IFT88: variants seen among roughly 807,000 people sequenced by gnomAD.
IFT88 encodes the protein intraflagellar transport protein 88 homolog.
A neutral mutation model predicts 119.5 loss-of-function variants in IFT88; 74 were observed. The observed-to-expected ratio is 0.62, with a 90% CI of 0.51 to 0.75. IFT88 has a LOEUF of 0.75. IFT88 is among the 30% of genes least tolerant of loss of function. The pLI, the probability that IFT88 is intolerant of heterozygous loss-of-function variation, is 0.00. For synonymous variants in IFT88, 279 were observed against 316.7 expected (o/e 0.88, Z 1.26); for missense variants, 961 against 977.7 (o/e 0.98, Z 0.23).
chr13:20,671,082 T>G (rs1403774976), intron 24 of IFT88, 43 bp downstream of exon 24: 7 of 1,490,580 alleles, frequency 4.7e-6, no homozygotes, highest in Non-Finnish European at 6.5e-6. Context: ...TTTCCACATT[T>G]CTAGTATGTG....
chr13:20,570,584 T>C (rs1324503790), intron 1 of IFT88, among the ~76,000 whole-genome samples: 2 of 152,216 alleles, frequency 1.3e-5, no homozygotes, highest in Non-Finnish European at 2.9e-5. Context: ...GGAAGCATTA[T>C]GCTAAGTGAA....
intron 12 of IFT88, among the ~76,000 whole-genome samples, chr13:20,603,850 A>C (rs920648360): frequency 1.3e-5 from 2 of 152,092 alleles, no homozygotes; most frequent in East Asian, 1.9e-4. Context: ...GTGAGCCGTG[A>C]TCACACCCCT....
chr13:20,598,566 T>G, intron 9 of IFT88, 85 bp from the exon 10 acceptor site: 1 of 715,468 alleles, frequency 1.4e-6, no homozygotes, highest in Non-Finnish European at 2.4e-6. Flanking sequence ...AACTTTGTTA[T>G]AGGATTTTAA....
chr13:20,618,854 T>C (rs1469847556), intron 14 of IFT88, among the ~76,000 whole-genome samples: 1 of 74,026 alleles, frequency 1.4e-5, no homozygotes, highest in African/African-American at 5.2e-5. Context: ...AAATTATTTT[T>C]TTTTCCCTTT....
intron 7 of IFT88, among the ~76,000 whole-genome samples, chr13:20,593,224 A>G (rs891164152): frequency 6.6e-6 from 1 of 152,236 alleles, no homozygotes; most frequent in African/African-American, 2.4e-5. Context: ...CTGGTATCCA[A>G]GTACCTTGAT....
chr13:20,600,921 C>G (rs918119166), intron 11 of IFT88, among the ~76,000 whole-genome samples: 4 of 152,048 alleles, frequency 2.6e-5, no homozygotes, highest in African/African-American at 9.7e-5. Context: ...CTATGAAATG[C>G]TATTTGACAA....
At chr13:20,645,547 C>G (rs1357847110) in intron 20 of IFT88, among the ~76,000 whole-genome samples, 1 of 152,006 alleles carries the variant, frequency 6.6e-6, no homozygotes, top group Non-Finnish European at 1.5e-5. Flanking sequence ...GTTCCTTTAT[C>G]AATCAGAAAA....
At chr13:20,657,130 A>G (rs1387500541) in intron 22 of IFT88, among the ~76,000 whole-genome samples, 1 of 152,262 alleles carries the variant, frequency 6.6e-6, no homozygotes, top group Non-Finnish European at 1.5e-5. Context: ...TGCTGGGATT[A>G]CAGGCGTGAG....
chr13:20,604,267 T>A (rs1363194311), intron 12 of IFT88, among the ~76,000 whole-genome samples: 3 of 151,978 alleles, frequency 2.0e-5, no homozygotes, highest in Non-Finnish European at 4.4e-5. Context: ...ACAAAAAAAA[T>A]GTATGTGAAA....
At chr13:20,577,707 C>G (rs1311540246) in intron 2 of IFT88, among the ~76,000 whole-genome samples, 9 of 152,146 alleles carry the variant, frequency 5.9e-5, no homozygotes, top group African/African-American at 2.4e-5. Context: ...CTAAATCCCA[C>G]TTGGTGATGA....
intron 13 of IFT88, among the ~76,000 whole-genome samples, chr13:20,613,102 A>T (rs192821321): frequency 6.6e-6 from 1 of 152,356 alleles, no homozygotes; most frequent in Admixed American, 6.5e-5. Context: ...ACGTTATCAA[A>T]ATTAAAAACT....
chr13:20,680,284 A>G (rs796132744), intron 24 of IFT88, among the ~76,000 whole-genome samples: 12 of 152,316 alleles, frequency 7.9e-5, no homozygotes, highest in African/African-American at 2.9e-4. Context: ...CCAAACAAAT[A>G]GGTAAATCCT....
intron 20 of IFT88, 37 bp from the exon 21 acceptor site, chr13:20,653,839 T>C (rs1387804040): frequency 8.0e-7 from 1 of 1,242,572 alleles, no homozygotes; most frequent in East Asian, 2.4e-5. Flanking sequence ...CACAGATTTT[T>C]TTATCTCTAA....
intron 14 of IFT88, among the ~76,000 whole-genome samples, chr13:20,620,276 T>C (rs2046270631): frequency 6.6e-6 from 1 of 152,158 alleles, no homozygotes; most frequent in Non-Finnish European, 1.5e-5. Flanking sequence ...TGGAAAATAG[T>C]TTACTTTTTC....
intron 2 of IFT88, among the ~76,000 whole-genome samples, chr13:20,581,047 C>A (rs1190592130): frequency 1.3e-5 from 2 of 152,026 alleles, no homozygotes; most frequent in Non-Finnish European, 2.9e-5. Flanking sequence ...TTTTAAAGCA[C>A]CAGGGACACT....
At chr13:20,641,140 C>G in intron 17 of IFT88, 150 bp from the exon 18 acceptor site, 4 of 544,734 alleles carry the variant, frequency 7.3e-6, no homozygotes, top group Non-Finnish European at 1.3e-5. Flanking sequence ...GGAGTGAGAC[C>G]CTGTATCAAA....
At chr13:20,607,300 C>T (rs1294537681) in intron 13 of IFT88, 12 of 450,896 alleles carry the variant, frequency 2.7e-5, no homozygotes, top group Non-Finnish European at 4.0e-5. Flanking sequence ...CACTCACCTT[C>T]GGCAAGTACT....
Position 20,582,960 on chromosome 13 carries a change from T to C in IFT88, c.94T>C (p.Leu32=). 6.2e-7 allele frequency: 1 copy of C among 1,611,906 alleles called. No individual in the cohort carries two copies. The highest frequency in any genetic ancestry group is 2.2e-5 in the East Asian group (1 of 44,840). Residue 32 remains leucine (L), a synonymous_variant, in exon 3 of 26, where the codon TTG becomes CTG. Coordinates refer to ENST00000351808, the MANE Select transcript of IFT88 (RefSeq NM_006531.5). ...DYNPIYDIEE[L]ENDAAFQQAV... ...TAAATTTGCGTTTTCATTTTAGGAA[T>C]TGGAGAATGATGCAGCTTTTCAGCA...
intron 14 of IFT88, among the ~76,000 whole-genome samples, chr13:20,619,988 T>C (rs2046231451): frequency 6.6e-6 from 1 of 152,232 alleles, no homozygotes; most frequent in Admixed American, 6.5e-5. Context: ...CATATGAATA[T>C]TATTTTTTGA....
Sources: gnomAD v4.1 joint callset for allele counts (sites outside exome capture counted in the v4.1 genomes callset) on GRCh38, gnomAD v4.1.1 for gene constraint, MANE v1.5 for transcripts, NCBI Gene and HGNC (gene_info 2026-07-23, HGNC 2026-07-21) for gene names.